CYTH1: variants seen among roughly 807,000 people sequenced by gnomAD.
CYTH1 encodes cytohesin 1, also known as cytohesin-1.
A neutral mutation model predicts 61.8 loss-of-function variants in CYTH1; 18 were observed. The observed-to-expected ratio is 0.29, with a 90% CI of 0.20 to 0.43. CYTH1 has a LOEUF of 0.43. CYTH1 is among the 20% of genes least tolerant of loss of function. The pLI, the probability that CYTH1 is intolerant of heterozygous loss-of-function variation, is 1.00. For missense variants in CYTH1, 336 were observed against 510.5 expected (o/e 0.66, Z 3.29); for synonymous variants, 174 against 184.3 (o/e 0.94, Z 0.45).
At chr17:78,722,767 T>A (rs1281032159) in intron 1 of CYTH1, among the ~76,000 whole-genome samples, 1 of 152,160 alleles carries the variant, frequency 6.6e-6, no homozygotes, top group Non-Finnish European at 1.5e-5. Context: ...AAACGCGACG[T>A]ACAATTCCAA....
intron 1 of CYTH1, among the ~76,000 whole-genome samples, chr17:78,725,831 A>C (rs963599028): frequency 2.0e-5 from 3 of 152,196 alleles, no homozygotes; most frequent in Non-Finnish European, 1.5e-5. Flanking sequence ...AAGAAGTTAC[A>C]AGAAAAGCTG....
intron 13 of CYTH1, chr17:78,678,597 A>G (rs1251381735): frequency 1.3e-5 from 2 of 152,188 alleles, no homozygotes; most frequent in Non-Finnish European, 2.9e-5. Flanking sequence ...AAAAAAAAGG[A>G]TACCGGTCCC....
At chr17:78,676,762 G>A (rs749169107) in intron 13 of CYTH1, 49 of 344,618 alleles carry the variant, frequency 1.4e-4, no homozygotes, top group Non-Finnish European at 2.3e-4. Context: ...GAGGGGGCCC[G>A]AGCTCATGCT....
At chr17:78,720,429 C>G (rs2093218192) in intron 1 of CYTH1, among the ~76,000 whole-genome samples, 2 of 152,212 alleles carry the variant, frequency 1.3e-5, no homozygotes, top group East Asian at 3.9e-4. Flanking sequence ...TGCAATTCTC[C>G]TGCCTCAGCC....
intron 1 of CYTH1, among the ~76,000 whole-genome samples, chr17:78,741,767 C>T (rs1196612193): frequency 1.3e-5 from 2 of 152,188 alleles, no homozygotes; most frequent in Non-Finnish European, 1.5e-5. Flanking sequence ...CTCACCCTTG[C>T]GTCTCCTGGT....
At chr17:78,733,778 A>G (rs1383161887) in intron 1 of CYTH1, among the ~76,000 whole-genome samples, 1 of 152,256 alleles carries the variant, frequency 6.6e-6, no homozygotes, top group Admixed American at 6.5e-5. Context: ...CAAGCAAGAT[A>G]AAGTGTATGG....
intron 1 of CYTH1, among the ~76,000 whole-genome samples, chr17:78,740,932 T>TA (rs1480812114): frequency 6.6e-6 from 1 of 152,048 alleles, no homozygotes; most frequent in African/African-American, 2.4e-5. Context: ...TTAAAATAAC[T>TA]AAAAAAATAA....
chr17:78,767,185 C>T (rs1336624619), intron 1 of CYTH1, among the ~76,000 whole-genome samples: 1 of 152,160 alleles, frequency 6.6e-6, no homozygotes, highest in Non-Finnish European at 1.5e-5. Context: ...AAGTACGTCT[C>T]AGCCGGGCAT....
At position 78,736,470 on chromosome 17, in the gene CYTH1, G is replaced by A. The variant is rs549508285; in HGVS notation, c.23-26738C>T. On this transcript the variant is annotated intron_variant, in intron 1 of 13. Coordinates refer to ENST00000446868, the MANE Select transcript of CYTH1 (RefSeq NM_004762.6). ...CACACACATACACACACACACACCC[G>A]AGAGAGCCTCAGCTTCCTAACCACT... 4.6e-5 allele frequency among the ~76,000 whole-genome samples: 7 copies of A among 151,546 alleles called. No homozygotes were observed. The East Asian group carries it at 1.2e-3, about 25-fold the overall frequency.
chr17:78,684,753 T>C (rs2092798942), intron 11 of CYTH1, among the ~76,000 whole-genome samples: 1 of 152,208 alleles, frequency 6.6e-6, no homozygotes, highest in South Asian at 2.1e-4. Flanking sequence ...ATTATTTTCA[T>C]AAAACACATT....
chr17:78,746,055 C>G (rs1312768972), intron 1 of CYTH1, among the ~76,000 whole-genome samples: 1 of 152,172 alleles, frequency 6.6e-6, no homozygotes, highest in Non-Finnish European at 1.5e-5. Flanking sequence ...CCTTTGTCCA[C>G]ACACACTGGC....
Position 78,676,133 on chromosome 17 carries a change from G to A in CYTH1, c.1155C>T (p.Leu385=), listed in dbSNP as rs1394463802. Residue 385 remains leucine, a synonymous_variant, in exon 14 of 14, where the codon CTC becomes CTT. Transcript: ENST00000446868. ...AISRDPFYEM[L]AARKKKVSST... ...AGGAGACCTTCTTTTTCCGTGCTGC[G>A]AGCATTTCGTAGAAAGGGTCCCTGC... is the stretch of plus-strand genomic sequence containing the variant. The A allele has an allele frequency of 2.5e-6, 4 of 1,611,068 alleles. No homozygotes were observed. Among genetic ancestry groups the A allele is most frequent in the African/African-American group, 1.3e-5 (1 of 74,888 alleles).
At chr17:78,781,184 A>G (rs1319267606) in intron 1 of CYTH1, among the ~76,000 whole-genome samples, 1 of 151,464 alleles carries the variant, frequency 6.6e-6, no homozygotes, top group Non-Finnish European at 1.5e-5. Context: ...AAAAAAAAAA[A>G]AAGAAAAATG....
chr17:78,715,823 G>C (rs886977266), intron 1 of CYTH1, among the ~76,000 whole-genome samples: 1 of 152,118 alleles, frequency 6.6e-6, no homozygotes, highest in African/African-American at 2.4e-5. Context: ...TTAACTTACA[G>C]AATCACCCTG....
intron 1 of CYTH1, among the ~76,000 whole-genome samples, chr17:78,778,637 C>CAAAAA (rs71309108): frequency 5.8e-4 from 37 of 64,084 alleles, no homozygotes; most frequent in African/African-American, 1.2e-3. Context: ...GACTCCATCT[C>CAAAAA]AAAAAAAAAA....
chr17:78,724,815 C>T (rs950611961), intron 1 of CYTH1, among the ~76,000 whole-genome samples: 7 of 152,206 alleles, frequency 4.6e-5, no homozygotes, highest in African/African-American at 7.2e-5. Flanking sequence ...CTGGGGAATG[C>T]AAACAGACGT....
intron 9 of CYTH1, among the ~76,000 whole-genome samples, chr17:78,697,956 T>A (rs1040595382): frequency 6.6e-6 from 1 of 152,180 alleles, no homozygotes; most frequent in Non-Finnish European, 1.5e-5. Flanking sequence ...AGTAAGTCTG[T>A]CCCCAGTAGT....
intron 10 of CYTH1, among the ~76,000 whole-genome samples, chr17:78,694,294 C>T (rs187822202): frequency 3.3e-5 from 5 of 152,336 alleles, no homozygotes; most frequent in Middle Eastern, 3.4e-3. Flanking sequence ...TTGCTGTAAG[C>T]AAGCACGTGC....
chr17:78,686,685 G>C (rs987549134), intron 11 of CYTH1, among the ~76,000 whole-genome samples: 4 of 152,200 alleles, frequency 2.6e-5, no homozygotes, highest in African/African-American at 9.6e-5. Context: ...CCAGGAACTG[G>C]TTTCATGGAA....
Sources: allele counts gnomAD v4.1 joint callset (sites outside exome capture counted in the v4.1 genomes callset), GRCh38; gene constraint gnomAD v4.1.1; transcripts MANE v1.5; gene names NCBI Gene and HGNC (gene_info 2026-07-23, HGNC 2026-07-21).